Variants in DIAPH3 observed in about 807,000 individuals in gnomAD.
The protein encoded by DIAPH3 is protein diaphanous homolog 3.
In DIAPH3, 117 loss-of-function variants were observed where a neutral mutation model predicts 144.3. The observed-to-expected ratio is 0.81, with a 90% confidence interval of 0.70 to 0.95. The LOEUF (loss-of-function observed/expected upper bound fraction) is 0.95. DIAPH3 is among the 40% of genes least tolerant of loss of function. The probability of loss-of-function intolerance (pLI) is 0.00; values close to 1 mark genes in which losing one functional copy is unlikely to be tolerated. For synonymous variants in DIAPH3, 519 were observed against 488.9 expected (o/e 1.06, Z -0.81); for missense variants, 1,421 against 1,412.7 (o/e 1.01, Z -0.09).
intron 27 of DIAPH3, among the ~76,000 whole-genome samples, chr13:59,765,668 T>C (rs1166325079): frequency 6.6e-6 from 1 of 152,190 alleles, no homozygotes; most frequent in Non-Finnish European, 1.5e-5. Flanking sequence ...GCTAGTTTTA[T>C]GCTTTCACAA....
chr13:59,938,679 C>T (rs2048373663), intron 17 of DIAPH3, among the ~76,000 whole-genome samples: 1 of 151,954 alleles, frequency 6.6e-6, no homozygotes, highest in East Asian at 1.9e-4. Flanking sequence ...CATCTAACTG[C>T]AACCCAAATG....
intron 8 of DIAPH3, among the ~76,000 whole-genome samples, chr13:60,008,885 C>T (rs2053056276): frequency 6.6e-6 from 1 of 152,220 alleles, no homozygotes; most frequent in East Asian, 1.9e-4. Flanking sequence ...GCTTACTACA[C>T]ATCAGGCACC....
At chr13:60,059,377 T>C (rs2056680166) in intron 4 of DIAPH3, among the ~76,000 whole-genome samples, 1 of 152,010 alleles carries the variant, frequency 6.6e-6, no homozygotes, top group South Asian at 2.1e-4. Context: ...ATGAACGTAA[T>C]CTTAAAAGTA....
At chr13:59,893,024 T>C (rs903560160) in intron 20 of DIAPH3, among the ~76,000 whole-genome samples, 3 of 152,088 alleles carry the variant, frequency 2.0e-5, no homozygotes, top group African/African-American at 7.2e-5. Flanking sequence ...GTGAACGACA[T>C]AAAATCTCAT....
At chr13:59,956,048 T>A (rs1366666856) in intron 17 of DIAPH3, among the ~76,000 whole-genome samples, 1 of 152,164 alleles carries the variant, frequency 6.6e-6, no homozygotes, top group Non-Finnish European at 1.5e-5. Flanking sequence ...ATTCAGAAGA[T>A]ATGGTTTCAA....
At chr13:59,812,645 A>G (rs2040546811) in intron 24 of DIAPH3, among the ~76,000 whole-genome samples, 1 of 152,182 alleles carries the variant, frequency 6.6e-6, no homozygotes, top group Non-Finnish European at 1.5e-5. Context: ...GTAAGTGATG[A>G]TCTAGAACAC....
chr13:60,125,131 C>T (rs925708130), intron 2 of DIAPH3, among the ~76,000 whole-genome samples: 1 of 152,134 alleles, frequency 6.6e-6, no homozygotes, highest in African/African-American at 2.4e-5. Flanking sequence ...CACTCTTTAG[C>T]ACATAGCTAA....
chr13:59,831,187 TTAGAA>T (rs1038869798), intron 24 of DIAPH3, among the ~76,000 whole-genome samples: 11 of 151,844 alleles, frequency 7.2e-5, no homozygotes, highest in African/African-American at 2.4e-4. Context: ...TAGAAAATAC[TTAGAA>T]TAGAAGGATA....
At chr13:59,746,441 T>C (rs542851930) in intron 27 of DIAPH3, among the ~76,000 whole-genome samples, 2 of 152,134 alleles carry the variant, frequency 1.3e-5, no homozygotes, top group South Asian at 4.2e-4. Context: ...CAGGTTGGTC[T>C]TGAAACTCCT....
intron 4 of DIAPH3, among the ~76,000 whole-genome samples, chr13:60,052,287 A>G (rs1447867440): frequency 6.6e-6 from 1 of 152,156 alleles, no homozygotes; most frequent in East Asian, 1.9e-4. Context: ...TAAATAGGAA[A>G]GATAGACAGT....
At position 60,143,366 on chromosome 13, in the gene DIAPH3, C is replaced by G. The variant is rs1951363522; in HGVS notation, c.181-10377G>C. Among the ~76,000 whole-genome samples the G allele has an allele frequency of 2.0e-5, 3 of 152,296 alleles. No individual in the cohort carries two copies. In the South Asian group the frequency reaches 6.2e-4, roughly 32 times the overall value. On this transcript the variant is annotated intron_variant, in intron 1 of 27. Coordinates refer to ENST00000400324, the MANE Select transcript of DIAPH3 (RefSeq NM_001042517.2). ...AGAATCCAGCTCTGATACCAATCATCTGTGTGATCTTGAGCACTTAAACTC... is the reference window on the plus strand; with the variant it reads ...AGAATCCAGCTCTGATACCAATCATGTGTGTGATCTTGAGCACTTAAACTC...
rs191228446 is a variant in DIAPH3, at chr13:59,827,362, A to C, written c.3027+5745T>G. On this transcript the variant is annotated intron_variant, in intron 24 of 27. Transcript: ENST00000400324. ...GAAAAAACAAACAACCCCATCAAAA[A>C]CTGGGCGAAGGATAAAAATGACACA... 4.9e-3 allele frequency among the ~76,000 whole-genome samples: 742 copies of C among 152,212 alleles called. 5 individuals are homozygous for C. The highest frequency in any genetic ancestry group is 0.017 in the South Asian group (83 of 4,828).
intron 27 of DIAPH3, among the ~76,000 whole-genome samples, chr13:59,670,693 T>C (rs1220897083): frequency 2.2e-4 from 34 of 151,688 alleles, no homozygotes; most frequent in Non-Finnish European, 4.4e-4. Context: ...CGCCATTGTC[T>C]TCCCTCAGCC....
chr13:60,000,253 C>T (rs1482973419), intron 9 of DIAPH3, among the ~76,000 whole-genome samples: 2 of 152,122 alleles, frequency 1.3e-5, no homozygotes, highest in African/African-American at 4.8e-5. Flanking sequence ...GACATACCAA[C>T]CATCAATCAC....
At chr13:59,856,798 A>C (rs922282118) in intron 22 of DIAPH3, among the ~76,000 whole-genome samples, 1 of 152,162 alleles carries the variant, frequency 6.6e-6, no homozygotes, top group Non-Finnish European at 1.5e-5. Context: ...AATAAAAGCA[A>C]CATCCCACAT....
chr13:59,991,227 G>A lies in DIAPH3; in HGVS notation c.1292C>T (p.Thr431Ile). 1.2e-6 allele frequency: 2 copies of A among 1,611,380 alleles called. No individual in the cohort carries two copies. Among genetic ancestry groups the A allele is most frequent in the Non-Finnish European group, 1.7e-6 (2 of 1,178,570 alleles). The change falls in exon 12 of 28, where the codon ACT becomes ATT. Residue 431 changes from threonine to isoleucine, a missense_variant. Transcript: ENST00000400324. ...AGAAATAAAATATCCCTCTGCTCTAGTTTCTTTAACTGTGCTCCACACCAT... is the reference window on the plus strand; with the variant it reads ...AGAAATAAAATATCCCTCTGCTCTAATTTCTTTAACTGTGCTCCACACCAT... ...YNMVWSTVKE[T>I]RAEGYFISIL...
At chr13:59,861,152 G>C (rs1593719821) in intron 22 of DIAPH3, 3 of 1,204,550 alleles carry the variant, frequency 2.5e-6, no homozygotes, top group East Asian at 2.6e-5. Context: ...AGGGCTAGCA[G>C]GTATCTACAA....
chr13:59,926,297 C>CT (rs1178842905), intron 17 of DIAPH3, among the ~76,000 whole-genome samples: 3 of 151,896 alleles, frequency 2.0e-5, no homozygotes, highest in Non-Finnish European at 4.4e-5. Context: ...AATGTGTCTT[C>CT]TTTTTTTATC....
intron 4 of DIAPH3, among the ~76,000 whole-genome samples, chr13:60,083,992 TGATAGATAGATAGACAGATAGATA>T (rs2057659478): frequency 2.1e-5 from 3 of 143,598 alleles, no homozygotes; most frequent in Admixed American, 1.4e-4. Flanking sequence ...CACTTTTGAG[TGATAGATAGATAGACAGATAGATA>T]GATAGATAGA....
Sources: allele counts gnomAD v4.1 joint callset (sites outside exome capture counted in the v4.1 genomes callset), GRCh38; gene constraint gnomAD v4.1.1; transcripts MANE v1.5; gene names NCBI Gene and HGNC (gene_info 2026-07-23, HGNC 2026-07-21).